MAF: variants seen among roughly 807,000 people sequenced by gnomAD.
MAF encodes the protein MAF bZIP transcription factor, also known as transcription factor Maf.
MAF carries 10 observed loss-of-function variants against 22.0 expected under a neutral mutation model. The ratio of observed to expected loss-of-function variants is 0.45; its 90% CI spans 0.28 to 0.77. The LOEUF is 0.77. Among genes scored for constraint, MAF ranks in the 30% least tolerant of loss-of-function variants. MAF has a pLI of 0.12. For synonymous variants in MAF, 337 were observed against 255.8 expected, an observed-to-expected ratio of 1.32 and a Z score of -3.03; for missense variants, 544 against 548.4, an observed-to-expected ratio of 0.99 and a Z score of 0.08.
chr16:79,497,866 G>A, the MAF span, among the ~76,000 whole-genome samples: 2 of 152,216 alleles, frequency 1.3e-5, no homozygotes, highest in Admixed American at 1.3e-4. Context: ...GCAATGCCTT[G>A]CTCACCTATC....
the MAF span, among the ~76,000 whole-genome samples, chr16:79,319,552 C>A: frequency 1.3e-5 from 2 of 152,316 alleles, no homozygotes; most frequent in Admixed American, 1.3e-4. Flanking sequence ...TGTAACAGAT[C>A]TGACGTAGGT....
the MAF span, among the ~76,000 whole-genome samples, chr16:79,513,229 G>A: frequency 1.3e-5 from 2 of 152,260 alleles, no homozygotes; most frequent in Non-Finnish European, 2.9e-5. Flanking sequence ...CAACTCAGCA[G>A]TAGCTTAGAG....
At chr16:79,525,550 T>C in the MAF span, among the ~76,000 whole-genome samples, 2 of 152,106 alleles carry the variant, frequency 1.3e-5, no homozygotes, top group African/African-American at 4.8e-5. Flanking sequence ...GGAAAAAGAG[T>C]AAGCCATGTT....
the MAF span, among the ~76,000 whole-genome samples, chr16:79,516,785 G>C: frequency 7.2e-5 from 11 of 152,290 alleles, no homozygotes; most frequent in African/African-American, 2.6e-4. Flanking sequence ...TGGAGCTCTA[G>C]AGGTTCCATG....
the MAF span, among the ~76,000 whole-genome samples, chr16:79,297,865 C>A: frequency 0.011 from 1,648 of 152,256 alleles, 20 homozygotes; most frequent in Non-Finnish European, 0.019. Context: ...AGCAGGGCGC[C>A]CACACCCAGG....
chr16:79,435,818 A>G, the MAF span, among the ~76,000 whole-genome samples: 7 of 152,204 alleles, frequency 4.6e-5, no homozygotes, highest in African/African-American at 1.7e-4. Context: ...GCTAAAAAGC[A>G]TGAACTTGAA....
At chr16:79,363,769 G>C in the MAF span, among the ~76,000 whole-genome samples, 1 of 152,154 alleles carries the variant, frequency 6.6e-6, no homozygotes, top group African/African-American at 2.4e-5. Flanking sequence ...AGGAGACTTG[G>C]TAAGAGTTGT....
the MAF span, among the ~76,000 whole-genome samples, chr16:79,306,841 C>G: frequency 6.6e-6 from 1 of 152,174 alleles, no homozygotes; most frequent in South Asian, 2.1e-4. Context: ...ATTTCTGTGC[C>G]TTAACTTCCT....
At chr16:79,400,290 C>T in the MAF span, among the ~76,000 whole-genome samples, 46,759 of 152,062 alleles carry the variant, frequency 0.31, 8,042 homozygotes, top group Non-Finnish European at 0.4. Flanking sequence ...GGTAAGGATC[C>T]GAGATCAACC....
the MAF span, among the ~76,000 whole-genome samples, chr16:79,384,790 G>T: frequency 6.6e-6 from 1 of 152,070 alleles, no homozygotes; most frequent in Non-Finnish European, 1.5e-5. Context: ...TTAAAAAAGG[G>T]GGAGCATGCT....
At chr16:79,239,426 T>A in the MAF span, among the ~76,000 whole-genome samples, 1 of 151,894 alleles carries the variant, frequency 6.6e-6, no homozygotes, top group East Asian at 1.9e-4. Flanking sequence ...GTTGGTGGAG[T>A]TATCTGGGGG....
At chr16:79,423,305 G>C in the MAF span, among the ~76,000 whole-genome samples, 2 of 152,142 alleles carry the variant, frequency 1.3e-5, no homozygotes, top group Non-Finnish European at 2.9e-5. Flanking sequence ...ACCAAGGAGA[G>C]GAGGTGGGAA....
the MAF span, among the ~76,000 whole-genome samples, chr16:79,452,992 C>A: frequency 6.6e-6 from 1 of 152,208 alleles, no homozygotes; most frequent in Non-Finnish European, 1.5e-5. Flanking sequence ...TGTTACTTTT[C>A]ATAATGAGAG....
At chr16:79,216,038 G>A in the MAF span, among the ~76,000 whole-genome samples, 1 of 152,182 alleles carries the variant, frequency 6.6e-6, no homozygotes, top group Non-Finnish European at 1.5e-5. Flanking sequence ...CTTGACAGGT[G>A]AGCAAGTGCA....
At chr16:79,278,481 T>C in the MAF span, among the ~76,000 whole-genome samples, 2 of 152,236 alleles carry the variant, frequency 1.3e-5, no homozygotes, top group Non-Finnish European at 2.9e-5. Flanking sequence ...CGGCTTGCTT[T>C]TCCATCAACT....
At chr16:79,573,158 T>C in the MAF span, among the ~76,000 whole-genome samples, 4 of 152,216 alleles carry the variant, frequency 2.6e-5, no homozygotes, top group Non-Finnish European at 4.4e-5. Context: ...CTATTTATAT[T>C]AAGGAAATTA....
the MAF span, among the ~76,000 whole-genome samples, chr16:79,513,406 G>A: frequency 4.9e-4 from 74 of 152,342 alleles, 1 homozygote; most frequent in Middle Eastern, 0.014. Flanking sequence ...ATCACCTTAT[G>A]GAGCTGTCAT....
Position 79,599,196 on chromosome 16 carries a change from C to T in MAF, c.707G>A (p.Gly236Asp). 1.0e-6 allele frequency: 1 copy of T among 986,526 alleles called. No homozygotes were observed. The highest frequency in any genetic ancestry group is 1.1e-4 in the East Asian group (1 of 9,266). The allele number at this position is 986,526 out of a possible 1,614,324, so 61.1% of individuals were successfully genotyped here. Residue 236 changes from glycine (G) to aspartate (D), a missense_variant, in exon 1 of 2, where the codon GGC becomes GAC. Physicochemically the swap from Gly to Asp is moderately conservative, Grantham distance 94 (BLOSUM62 -1). Coordinates refer to ENST00000326043, the MANE Select transcript of MAF (RefSeq NM_005360.5). ...GCCCCCCGCCCCCGCCGCGCCCCCG[C>T]CGCCTCCGCCGCCGCCGCCGCCGCC... ...GGGGGGGGGG[G>D]GGAAGAGGAL...
chr16:79,254,269 A>G, the MAF span, among the ~76,000 whole-genome samples: 1 of 152,108 alleles, frequency 6.6e-6, no homozygotes, highest in Non-Finnish European at 1.5e-5. Context: ...TTCTCTCTCT[A>G]CATTTATATA....
Sources: allele counts gnomAD v4.1 joint callset (sites outside exome capture counted in the v4.1 genomes callset), GRCh38; gene constraint gnomAD v4.1.1; transcripts MANE v1.5; gene names NCBI Gene and HGNC (gene_info 2026-07-23, HGNC 2026-07-21).